NPAS2: variants seen among roughly 807,000 people sequenced by gnomAD.
The protein encoded by NPAS2 is neuronal PAS domain-containing protein 2.
In NPAS2, 23 loss-of-function variants were observed where a neutral mutation model predicts 107.5. That is an observed-to-expected ratio of 0.21 (90% CI 0.15 to 0.30). The LOEUF is 0.30. Among genes scored for constraint, NPAS2 ranks in the 10% least tolerant of loss-of-function variants. The probability of loss-of-function intolerance (pLI) is 1.00; values close to 1 mark genes in which losing one functional copy is unlikely to be tolerated. For missense variants in NPAS2, 756 were observed against 1,043.3 expected (o/e 0.72, Z 3.79); for synonymous variants, 403 against 417.5 (o/e 0.97, Z 0.42).
intron 1 of NPAS2, among the ~76,000 whole-genome samples, chr2:100,889,298 G>A (rs747988338): frequency 2.6e-5 from 4 of 152,296 alleles, no homozygotes; most frequent in South Asian, 2.1e-4. Flanking sequence ...GGAAATACTC[G>A]GCCCTACATT....
intron 1 of NPAS2, among the ~76,000 whole-genome samples, chr2:100,863,457 C>CCACACAG (rs1310505240): frequency 6.6e-6 from 1 of 152,172 alleles, no homozygotes; most frequent in Non-Finnish European, 1.5e-5. Flanking sequence ...ATATCAGTGG[C>CCACACAG]CACACAGTCC....
intron 1 of NPAS2, among the ~76,000 whole-genome samples, chr2:100,843,651 A>T (rs1208475859): frequency 6.6e-6 from 1 of 152,214 alleles, no homozygotes; most frequent in Non-Finnish European, 1.5e-5. Flanking sequence ...CAGAAGAAAC[A>T]TAAAATGCTT....
chr2:100,901,317 CCTCT>C (rs151230626), intron 1 of NPAS2, among the ~76,000 whole-genome samples: 7,979 of 152,208 alleles, frequency 0.052, 359 homozygotes, highest in East Asian at 0.14. Context: ...CCCCTCTCAG[CCTCT>C]CCTTTCATCA....
chr2:100,926,522 A>C (rs1377108198), intron 3 of NPAS2, among the ~76,000 whole-genome samples: 1 of 152,188 alleles, frequency 6.6e-6, no homozygotes. Context: ...TTTGATTTGA[A>C]TTTCCCAATA....
intron 1 of NPAS2, among the ~76,000 whole-genome samples, chr2:100,903,172 C>T (rs770191624): frequency 4.6e-5 from 7 of 152,164 alleles, no homozygotes; most frequent in East Asian, 1.9e-4. Context: ...AAGAACACAG[C>T]GTGGCCGGGT....
At chr2:100,818,917 C>G (rs972433444), upstream of NPAS2, among the ~76,000 whole-genome samples, 7 of 152,192 alleles carry the variant, frequency 4.6e-5, no homozygotes, top group African/African-American at 1.7e-4. Flanking sequence ...AAGGGGAAAC[C>G]GGCCACGTTT....
intron 4 of NPAS2, among the ~76,000 whole-genome samples, chr2:100,933,904 G>A (rs1684144947): frequency 6.6e-6 from 1 of 152,340 alleles, no homozygotes; most frequent in South Asian, 2.1e-4. Context: ...TGTTTGGAGA[G>A]TGGTTTCTGG....
intron 1 of NPAS2, among the ~76,000 whole-genome samples, chr2:100,884,551 C>T (rs1398741513): frequency 6.6e-6 from 1 of 152,160 alleles, no homozygotes; most frequent in Non-Finnish European, 1.5e-5. Flanking sequence ...CTCGCACACA[C>T]ATTATTAAGA....
At chr2:100,905,614 G>T (rs553565163) in intron 2 of NPAS2, among the ~76,000 whole-genome samples, 1 of 152,132 alleles carries the variant, frequency 6.6e-6, no homozygotes, top group Non-Finnish European at 1.5e-5. Flanking sequence ...GGCAGCAGGG[G>T]ACATCCTCTC....
chr2:100,975,440 T>C lies in NPAS2; in HGVS notation c.1283-18T>C. 6.2e-7 allele frequency: 1 copy of C among 1,605,518 alleles called. No individual in the cohort carries two copies. On this transcript the variant is annotated intron_variant, in intron 13 of 20. Coordinates refer to ENST00000335681, the MANE Select transcript of NPAS2 (RefSeq NM_002518.4). ...TAAGTACATGGAAGTTAGAAGGTCA[T>C]TCGTTGCTTTCTTACAGCCACTCCC... is the stretch of plus-strand genomic sequence containing the variant.
intron 12 of NPAS2, 115 bp from the exon 13 acceptor site, chr2:100,974,688 A>G (rs1342824278): frequency 5.3e-6 from 6 of 1,131,924 alleles, no homozygotes; most frequent in Non-Finnish European, 7.6e-6. Flanking sequence ...CCAAACAACT[A>G]TGGTATTTGT....
At position 100,842,078 on chromosome 2, in the gene NPAS2, C is replaced by CGT. The variant is rs912902596; in HGVS notation, c.-23+21665_-23+21666insTG. Among the ~76,000 whole-genome samples, 79 of 54,430 alleles carry CGT rather than the reference C, an allele frequency of 1.5e-3. No individual in the cohort carries two copies. The East Asian group carries it at 0.017, about 11-fold the overall frequency. 35.7% of individuals were successfully genotyped at this position (54,430 alleles called of 152,430 possible). ...ATGTTCATGCATGAGTGTGCATGTA[C>CGT]GCGCACACACACACACACACACACA... On this transcript the variant is annotated intron_variant, in intron 1 of 20. Transcript: ENST00000335681.
At chr2:100,894,438 T>C (rs902383492) in intron 1 of NPAS2, among the ~76,000 whole-genome samples, 22 of 152,164 alleles carry the variant, frequency 1.4e-4, no homozygotes, top group African/African-American at 4.8e-4. Context: ...GTCAGACTTT[T>C]ATTGACGTGA....
chr2:100,934,921 T>G, intron 4 of NPAS2: 1 of 985,374 alleles, frequency 1.0e-6, no homozygotes, highest in Non-Finnish European at 1.2e-6. Flanking sequence ...ATGTTCCCTT[T>G]CTAAAATGAG....
At chr2:100,944,771 C>T (rs1314283514) in intron 5 of NPAS2, among the ~76,000 whole-genome samples, 1 of 152,162 alleles carries the variant, frequency 6.6e-6, no homozygotes, top group Non-Finnish European at 1.5e-5. Flanking sequence ...ATCATACCTG[C>T]CCCTACTTGC....
intron 1 of NPAS2, among the ~76,000 whole-genome samples, chr2:100,885,765 G>A (rs995313480): frequency 2.6e-5 from 4 of 152,088 alleles, no homozygotes; most frequent in Non-Finnish European, 4.4e-5. Flanking sequence ...ACCTCCCCCA[G>A]CCAGGTTCAA....
At chr2:100,918,470 G>A (rs1483123455) in intron 2 of NPAS2, among the ~76,000 whole-genome samples, 1 of 152,144 alleles carries the variant, frequency 6.6e-6, no homozygotes, top group East Asian at 1.9e-4. Context: ...GCAAGCTATA[G>A]TCGGGTAGAA....
chr2:100,990,716 C>A, intron 18 of NPAS2, 64 bp from the exon 19 acceptor site: 1 of 1,456,466 alleles, frequency 6.9e-7, no homozygotes, highest in South Asian at 1.1e-5. Context: ...CAAGTGCTGC[C>A]ACGACCAGTG....
intron 1 of NPAS2, among the ~76,000 whole-genome samples, chr2:100,852,149 C>A (rs1255288429): frequency 2.0e-5 from 3 of 152,112 alleles, no homozygotes; most frequent in Non-Finnish European, 4.4e-5. Context: ...GTAATCCCAG[C>A]ACTTTGGGAG....
Sources: allele counts gnomAD v4.1 joint callset (sites outside exome capture counted in the v4.1 genomes callset), GRCh38; gene constraint gnomAD v4.1.1; transcripts MANE v1.5; gene names NCBI Gene and HGNC (gene_info 2026-07-23, HGNC 2026-07-21).